The following BEND5 variants were observed in gnomAD, a reference collection of about 807,000 sequenced individuals.
BEND5 encodes the protein BEN domain-containing protein 5.
BEND5 carries 22 observed loss-of-function variants against 43.9 expected under a neutral mutation model. That is an observed-to-expected ratio of 0.50 (90% CI 0.36 to 0.72). BEND5 has a LOEUF of 0.72. BEND5 is among the 30% of genes least tolerant of loss of function. The probability of loss-of-function intolerance (pLI) is 0.00; values close to 1 mark genes in which losing one functional copy is unlikely to be tolerated. For synonymous variants in BEND5, 228 were observed against 225.9 expected (o/e 1.01, Z -0.08); for missense variants, 428 against 550.6 (o/e 0.78, Z 2.23).
intron 1 of BEND5, among the ~76,000 whole-genome samples, chr1:48,763,767 C>T (rs898151093): frequency 1.3e-5 from 2 of 152,168 alleles, no homozygotes; most frequent in Non-Finnish European, 2.9e-5. Context: ...AACCTCAGAT[C>T]ATCCGATTCT....
intron 5 of BEND5, among the ~76,000 whole-genome samples, chr1:48,732,150 AC>A (rs1330249455): frequency 1.3e-5 from 2 of 152,104 alleles, no homozygotes; most frequent in Non-Finnish European, 2.9e-5. Context: ...CAAGGATGAG[AC>A]CTGGGTGCCT....
At chr1:48,756,357 A>G (rs765986752) in intron 3 of BEND5, among the ~76,000 whole-genome samples, 5 of 152,156 alleles carry the variant, frequency 3.3e-5, no homozygotes, top group Non-Finnish European at 7.3e-5. Flanking sequence ...TTTTGTCCCT[A>G]TGATGGCATT....
intron 3 of BEND5, among the ~76,000 whole-genome samples, chr1:48,754,433 C>T (rs181458778): frequency 5.0e-4 from 76 of 152,242 alleles, no homozygotes; most frequent in Admixed American, 2.9e-3. Flanking sequence ...ACAAAGGATA[C>T]CCTCGATAAC....
chr1:48,729,724 G>C (rs1463623261), intron 5 of BEND5, among the ~76,000 whole-genome samples: 2 of 151,984 alleles, frequency 1.3e-5, no homozygotes, highest in East Asian at 3.9e-4. Flanking sequence ...CATGCTGCAG[G>C]TGCACCTGCT....
chr1:48,733,566 G>C (rs1648502803), intron 5 of BEND5, among the ~76,000 whole-genome samples: 1 of 152,168 alleles, frequency 6.6e-6, no homozygotes, highest in Non-Finnish European at 1.5e-5. Flanking sequence ...CACACAACTT[G>C]GCAGATGATG....
chr1:48,776,513 C>A, intron 1 of BEND5, 93 bp downstream of exon 1: 2 of 937,048 alleles, frequency 2.1e-6, no homozygotes, highest in African/African-American at 1.8e-5. Flanking sequence ...CAAGCAGTGG[C>A]TCCCCCCGGT....
intron 1 of BEND5, among the ~76,000 whole-genome samples, chr1:48,763,460 T>C (rs1415814035): frequency 1.3e-5 from 2 of 152,038 alleles, no homozygotes; most frequent in Non-Finnish European, 2.9e-5. Flanking sequence ...TATCTTGCAA[T>C]GGTGTTTTTT....
intron 4 of BEND5, among the ~76,000 whole-genome samples, chr1:48,739,170 C>T (rs1471110823): frequency 6.6e-6 from 1 of 152,240 alleles, no homozygotes; most frequent in Non-Finnish European, 1.5e-5. Context: ...CAGTTCACCA[C>T]TGCAGACAGG....
At chr1:48,749,412 A>C (rs1430145069) in intron 3 of BEND5, among the ~76,000 whole-genome samples, 2 of 152,168 alleles carry the variant, frequency 1.3e-5, no homozygotes, top group African/African-American at 4.8e-5. Context: ...GTTAATCCTT[A>C]TGGTGGTCCT....
At chr1:48,764,493 G>T (rs987620637) in intron 1 of BEND5, among the ~76,000 whole-genome samples, 12 of 152,156 alleles carry the variant, frequency 7.9e-5, no homozygotes, top group Non-Finnish European at 1.3e-4. Context: ...GGAAGGGGGG[G>T]AAATATTTGG....
intron 1 of BEND5, 54 bp from the exon 2 acceptor site, chr1:48,761,524 T>C: frequency 6.6e-7 from 1 of 1,519,646 alleles, no homozygotes; most frequent in South Asian, 1.2e-5. Flanking sequence ...TGAGTCATTA[T>C]GAGTTTAGAA....
chr1:48,776,868 A>C lies in BEND5; in HGVS notation c.-37T>G. 5.4e-5 allele frequency: 69 copies of C among 1,285,064 alleles called. No homozygotes were observed. The highest frequency in any genetic ancestry group is 6.6e-5 in the African/African-American group (4 of 60,954). 79.6% of individuals were successfully genotyped at this position (1,285,064 alleles called of 1,614,324 possible). A position where few individuals can be genotyped will look rare whatever the true frequency, so the allele number is the denominator to read the frequency against. On this transcript the variant is annotated 5_prime_UTR_variant, in exon 1 of 6. Transcript: ENST00000371833. ...GGGGCGGGCCCCGGTCGGGCAGCTC[A>C]GCCCGCGGGGCGGGCGCGGAGGTGG... is the stretch of plus-strand genomic sequence containing the variant.
At position 48,727,768 on chromosome 1, in the gene BEND5, C is replaced by T. The variant is rs537712188; in HGVS notation, c.*118G>A. The stretch of plus-strand genomic sequence containing the variant: ...AGAACAAGCCGCTGACCCCAGAACC[C>T]GATGGATCCCTGCACACACACCACC... On this transcript the variant is annotated 3_prime_UTR_variant, in exon 6 of 6. Transcript: ENST00000371833. 48 of 983,672 alleles carry T rather than the reference C, an allele frequency of 4.9e-5. No individual in the cohort carries two copies. In the Admixed American group the frequency reaches 6.2e-4, roughly 13 times the overall value. 60.9% of individuals were successfully genotyped at this position (983,672 alleles called of 1,614,324 possible).
chr1:48,728,168 A>G (rs1647478688), intron 5 of BEND5, 125 bp from the exon 6 acceptor site: 4 of 827,526 alleles, frequency 4.8e-6, no homozygotes, highest in Admixed American at 3.0e-5. Flanking sequence ...TATCTGGCAT[A>G]GCTATATTTT....
intron 5 of BEND5, among the ~76,000 whole-genome samples, chr1:48,734,978 T>C (rs1648787889): frequency 6.6e-6 from 1 of 152,254 alleles, no homozygotes; most frequent in African/African-American, 2.4e-5. Flanking sequence ...CTCGGGTTCC[T>C]GGCTCTCCTC....
chr1:48,748,523 T>C (rs1044607282), intron 3 of BEND5, among the ~76,000 whole-genome samples: 53 of 152,154 alleles, frequency 3.5e-4, no homozygotes, highest in African/African-American at 1.3e-3. Flanking sequence ...GGGTGCTGCC[T>C]CTGGAGGAGA....
chr1:48,769,572 A>AC (rs1553230018), intron 1 of BEND5, among the ~76,000 whole-genome samples: 8 of 62,680 alleles, frequency 1.3e-4, no homozygotes, highest in South Asian at 5.4e-4. Flanking sequence ...CACACACACA[A>AC]GTTAAATTTT....
At chr1:48,759,327 G>C in intron 2 of BEND5, 43 bp from the exon 3 acceptor site, 3 of 1,532,976 alleles carry the variant, frequency 2.0e-6, no homozygotes, top group South Asian at 2.4e-5. Flanking sequence ...GGGCAGCTGG[G>C]ATTTTCTTGG....
At chr1:48,732,455 G>C (rs1445876685) in intron 5 of BEND5, among the ~76,000 whole-genome samples, 3 of 151,916 alleles carry the variant, frequency 2.0e-5, no homozygotes, top group African/African-American at 7.3e-5. Context: ...AATGGAAGTG[G>C]GAGAAGAAAG....
Sources: gnomAD v4.1 joint callset for allele counts (sites outside exome capture counted in the v4.1 genomes callset) on GRCh38, gnomAD v4.1.1 for gene constraint, MANE v1.5 for transcripts, NCBI Gene and HGNC (gene_info 2026-07-23, HGNC 2026-07-21) for gene names.